Variants in STX2 observed in about 807,000 individuals in gnomAD.
STX2 encodes the protein syntaxin-2.
STX2 carries 27 observed loss-of-function variants against 40.6 expected under a neutral mutation model. That is an observed-to-expected ratio of 0.66 (90% CI 0.49 to 0.92). The LOEUF (loss-of-function observed/expected upper bound fraction) is 0.92. Ranked by LOEUF, STX2 falls within the 40% of genes least tolerant of loss-of-function variation. The pLI, the probability that STX2 is intolerant of heterozygous loss-of-function variation, is 0.00. For missense variants in STX2, 328 were observed against 366.1 expected (o/e 0.90, Z 0.85); for synonymous variants, 123 against 119.1 (o/e 1.03, Z -0.22).
intron 4 of STX2, among the ~76,000 whole-genome samples, chr12:130,810,256 T>A (rs761035725): frequency 5.3e-5 from 8 of 152,190 alleles, no homozygotes; most frequent in Non-Finnish European, 1.0e-4. Context: ...GAAATAAAGA[T>A]GTAATATTGC....
rs750447309 is a variant in STX2, at chr12:130,797,365, C to T, written c.786+1160G>A. ...TCTTCACCTCAGTTTACATTAGGGG[C>T]CAATTTTTTCAAAGCAATAAATGAA... On this transcript the variant is annotated intron_variant, in intron 9 of 10. Transcript: ENST00000392373. Among the ~76,000 whole-genome samples, 247 of 152,302 alleles carry T rather than the reference C, an allele frequency of 1.6e-3. 3 individuals are homozygous for T. The highest frequency in any genetic ancestry group is 3.4e-3 in the Middle Eastern group (1 of 294).
chr12:130,827,323 G>A, intron 1 of STX2, 56 bp from the exon 2 acceptor site: 1 of 1,403,236 alleles, frequency 7.1e-7, no homozygotes, highest in Non-Finnish European at 1.0e-6. Context: ...GGCACAAATA[G>A]CGAACTGAAA....
intron 10 of STX2, among the ~76,000 whole-genome samples, chr12:130,793,000 G>A (rs746794069): frequency 3.9e-5 from 6 of 152,198 alleles, no homozygotes; most frequent in Non-Finnish European, 5.9e-5. Flanking sequence ...AGGAGGCACC[G>A]CGCTGTAGGA....
At chr12:130,818,515 G>C (rs1470566712) in intron 3 of STX2, among the ~76,000 whole-genome samples, 1 of 152,114 alleles carries the variant, frequency 6.6e-6, no homozygotes, top group Non-Finnish European at 1.5e-5. Flanking sequence ...AGGGATAACC[G>C]GTGGGACAGG....
At chr12:130,802,007 G>C (rs1330931736) in intron 6 of STX2, among the ~76,000 whole-genome samples, 1 of 152,140 alleles carries the variant, frequency 6.6e-6, no homozygotes, top group Non-Finnish European at 1.5e-5. Context: ...TTCATAGTTT[G>C]TGCCACAGAA....
intron 1 of STX2, among the ~76,000 whole-genome samples, chr12:130,830,424 T>C (rs1952514991): frequency 1.3e-5 from 2 of 152,110 alleles, no homozygotes; most frequent in Admixed American, 6.5e-5. Context: ...CCCCCCACAG[T>C]GGCGTGGCGT....
At chr12:130,810,580 G>A (rs1196695796) in intron 4 of STX2, 5 of 152,228 alleles carry the variant, frequency 3.3e-5, no homozygotes, top group African/African-American at 1.2e-4. Flanking sequence ...AGCAAAAAGT[G>A]GAAAGGCTGT....
chr12:130,811,134 G>C (rs1369321372), intron 4 of STX2, among the ~76,000 whole-genome samples: 2 of 152,276 alleles, frequency 1.3e-5, no homozygotes, highest in Admixed American at 1.3e-4. Context: ...GAGACTGGCG[G>C]ATCATTTGAG....
At chr12:130,805,716 G>T (rs147968612) in intron 6 of STX2, among the ~76,000 whole-genome samples, 2 of 152,316 alleles carry the variant, frequency 1.3e-5, no homozygotes, top group Non-Finnish European at 2.9e-5. Context: ...GCTAAACCAT[G>T]CTCATGTGAT....
chr12:130,808,981 C>T (rs979049218), intron 4 of STX2, among the ~76,000 whole-genome samples: 5 of 152,196 alleles, frequency 3.3e-5, no homozygotes, highest in South Asian at 2.1e-4. Context: ...GTCCTCCCAC[C>T]GCAGCCTCCC....
At chr12:130,818,185 A>AAAAAAAAAAAAAATAT in intron 3 of STX2, among the ~76,000 whole-genome samples, 8 of 70,542 alleles carry the variant, frequency 1.1e-4, no homozygotes, top group African/African-American at 4.7e-4. Flanking sequence ...AAAAAAAAAA[A>AAAAAAAAAAAAAATAT]ATATATATAT....
intron 10 of STX2, among the ~76,000 whole-genome samples, chr12:130,792,610 T>C (rs1241811758): frequency 6.6e-6 from 1 of 152,138 alleles, no homozygotes; most frequent in East Asian, 1.9e-4. Context: ...ATGACAGGCA[T>C]GCACCACCAT....
chr12:130,807,727 G>C (rs1443551284), intron 5 of STX2, among the ~76,000 whole-genome samples: 3 of 152,224 alleles, frequency 2.0e-5, no homozygotes, highest in African/African-American at 7.2e-5. Flanking sequence ...ATAGAACTCT[G>C]TTGATGGACC....
chr12:130,814,749 G>A (rs1951797139), intron 3 of STX2, among the ~76,000 whole-genome samples: 1 of 143,764 alleles, frequency 7.0e-6, no homozygotes. Context: ...CGATTCTCCT[G>A]CCTCAGCCTC....
At chr12:130,826,572 T>A (rs374427643) in intron 2 of STX2, among the ~76,000 whole-genome samples, 2 of 152,252 alleles carry the variant, frequency 1.3e-5, no homozygotes, top group Admixed American at 6.5e-5. Flanking sequence ...GATTTGCATT[T>A]TTCTCATTAT....
intron 6 of STX2, among the ~76,000 whole-genome samples, chr12:130,806,013 T>C (rs1053305654): frequency 2.6e-5 from 4 of 152,022 alleles, no homozygotes; most frequent in African/African-American, 7.3e-5. Flanking sequence ...CCAGCAGAAC[T>C]AGCAACAGAA....
intron 1 of STX2, 145 bp downstream of exon 1, chr12:130,838,925 C>A: frequency 1.1e-6 from 1 of 898,594 alleles, no homozygotes; most frequent in Non-Finnish European, 1.4e-6. Context: ...CCCTGAGACC[C>A]TGCCCGCAGC....
chr12:130,792,726 G>A (rs10744481), intron 10 of STX2, among the ~76,000 whole-genome samples: 87,238 of 152,092 alleles, frequency 0.57, 27,337 homozygotes, highest in East Asian at 0.88. Context: ...TTGGCCTTCC[G>A]AAGTGTTGGG....
intron 9 of STX2, among the ~76,000 whole-genome samples, chr12:130,796,665 C>T (rs1478892289): frequency 6.6e-6 from 1 of 152,132 alleles, no homozygotes; most frequent in Non-Finnish European, 1.5e-5. Flanking sequence ...GGGGACAGCA[C>T]GACCAAGTCA....
Sources: gnomAD v4.1 joint callset for allele counts (sites outside exome capture counted in the v4.1 genomes callset) on GRCh38, gnomAD v4.1.1 for gene constraint, MANE v1.5 for transcripts, NCBI Gene and HGNC (gene_info 2026-07-23, HGNC 2026-07-21) for gene names.